Variants in EYS observed in about 807,000 individuals in gnomAD.
The protein encoded by EYS is EGF-like photoreceptor maintenance factor.
Under a neutral mutation model 282.1 loss-of-function variants are expected in EYS, and 250 were observed. That is an observed-to-expected ratio of 0.89 (90% CI 0.80 to 0.98). The LOEUF (loss-of-function observed/expected upper bound fraction) is 0.98, where lower values mean the gene tolerates loss of function less well. EYS is among the 50% of genes least tolerant of loss of function. The pLI is 0.00. For synonymous variants in EYS, 1,355 were observed against 1,282.9 expected, an observed-to-expected ratio of 1.06 and a Z score of -1.20; for missense variants, 4,016 against 3,709.0, an observed-to-expected ratio of 1.08 and a Z score of -2.15.
chr6:65,173,173 G>A (rs1387470141), intron 12 of EYS, among the ~76,000 whole-genome samples: 1 of 151,262 alleles, frequency 6.6e-6, no homozygotes, highest in Admixed American at 6.6e-5. Flanking sequence ...TTAAATTACG[G>A]TGGTGCTGTG....
chr6:64,747,328 T>C (rs939497157), intron 22 of EYS, among the ~76,000 whole-genome samples: 1 of 152,190 alleles, frequency 6.6e-6, no homozygotes, highest in Admixed American at 6.5e-5. Flanking sequence ...GTAACCCTTA[T>C]GTTGGCGTCA....
chr6:63,799,999 G>T (rs554103788), intron 37 of EYS, among the ~76,000 whole-genome samples: 1 of 152,174 alleles, frequency 6.6e-6, no homozygotes, highest in Admixed American at 6.5e-5. Context: ...GAGCCTGGGC[G>T]GGGGAGAATG....
intron 26 of EYS, among the ~76,000 whole-genome samples, chr6:64,538,960 G>A (rs1435262570): frequency 6.6e-6 from 1 of 152,132 alleles, no homozygotes; most frequent in Admixed American, 6.5e-5. Flanking sequence ...GAGCCCAGAT[G>A]TGCTCTAAAT....
chr6:64,344,228 A>G (rs1483897535), intron 29 of EYS, among the ~76,000 whole-genome samples: 2 of 152,136 alleles, frequency 1.3e-5, no homozygotes, highest in Admixed American at 6.6e-5. Flanking sequence ...TCATCCTGAT[A>G]CCAAAGCCTG....
intron 2 of EYS, among the ~76,000 whole-genome samples, chr6:65,595,207 A>T (rs920149859): frequency 2.0e-5 from 3 of 152,130 alleles, no homozygotes; most frequent in African/African-American, 4.8e-5. Flanking sequence ...TTCTCAGCAA[A>T]CTATCGCAAG....
At chr6:65,330,761 C>T in intron 11 of EYS, 2 of 960,770 alleles carry the variant, frequency 2.1e-6, no homozygotes, top group Non-Finnish European at 2.5e-6. Flanking sequence ...CCCGAAATCA[C>T]AAAGATATTT....
intron 12 of EYS, among the ~76,000 whole-genome samples, chr6:65,269,389 G>A (rs1767839557): frequency 6.6e-6 from 1 of 152,120 alleles, no homozygotes; most frequent in African/African-American, 2.4e-5. Flanking sequence ...TGTATAAGGG[G>A]GATGTCATCT....
chr6:64,864,587 T>C (rs77336796), intron 19 of EYS, among the ~76,000 whole-genome samples: 1 of 133,690 alleles, frequency 7.5e-6, no homozygotes, highest in Non-Finnish European at 1.6e-5. Flanking sequence ...GGATTCACCA[T>C]GTTGGCTACG....
At chr6:64,388,883 T>C in intron 28 of EYS, 43 bp from the exon 29 acceptor site, 1 of 1,232,038 alleles carries the variant, frequency 8.1e-7, no homozygotes, top group Non-Finnish European at 1.1e-6. Context: ...ATAAGTCATA[T>C]AAACATTTAT....
chr6:65,614,825 A>G (rs1175247320), intron 2 of EYS, among the ~76,000 whole-genome samples: 2 of 152,006 alleles, frequency 1.3e-5, no homozygotes, highest in Non-Finnish European at 2.9e-5. Context: ...TAAAATCTGT[A>G]AATATTCAAA....
chr6:64,671,535 A>T (rs936256246), intron 22 of EYS, among the ~76,000 whole-genome samples: 4 of 152,100 alleles, frequency 2.6e-5, no homozygotes, highest in African/African-American at 9.7e-5. Flanking sequence ...AGAGCTAAGA[A>T]CCATCTTTTT....
chr6:64,869,480 A>G (rs1401027409), intron 19 of EYS, among the ~76,000 whole-genome samples: 1 of 151,594 alleles, frequency 6.6e-6, no homozygotes, highest in African/African-American at 2.4e-5. Flanking sequence ...AAAATTTAAA[A>G]AAAAGATGAC....
intron 12 of EYS, among the ~76,000 whole-genome samples, chr6:65,114,229 A>G (rs1441994774): frequency 1.3e-5 from 2 of 152,022 alleles, no homozygotes; most frequent in African/African-American, 4.8e-5. Flanking sequence ...TAAATACATG[A>G]ATAAAAATAC....
intron 33 of EYS, among the ~76,000 whole-genome samples, chr6:64,058,347 A>G (rs1157142412): frequency 6.6e-6 from 1 of 152,144 alleles, no homozygotes; most frequent in Non-Finnish European, 1.5e-5. Flanking sequence ...ATTGAGAAAA[A>G]TGTTTCCAAG....
intron 14 of EYS, among the ~76,000 whole-genome samples, chr6:64,994,749 C>T (rs182701347): frequency 3.7e-4 from 56 of 152,070 alleles, no homozygotes; most frequent in Non-Finnish European, 2.1e-4. Context: ...AATTTTGGCT[C>T]TTTTTATATG....
intron 35 of EYS, among the ~76,000 whole-genome samples, chr6:63,868,273 C>T (rs769234897): frequency 7.9e-5 from 12 of 152,090 alleles, no homozygotes; most frequent in South Asian, 4.1e-4. Context: ...GTCTACAATA[C>T]GGTAAGAATA....
chr6:64,974,031 A>G (rs1444893416), intron 14 of EYS, among the ~76,000 whole-genome samples: 1 of 151,946 alleles, frequency 6.6e-6, no homozygotes, highest in East Asian at 1.9e-4. Flanking sequence ...AGCATGAAAA[A>G]GCATTTCACA....
At chr6:64,331,914 G>C (rs900696928) in intron 29 of EYS, among the ~76,000 whole-genome samples, 2 of 152,148 alleles carry the variant, frequency 1.3e-5, no homozygotes, top group Non-Finnish European at 2.9e-5. Context: ...TTCCCACCAG[G>C]ACAGAGAAAG....
chr6:65,596,409 G>C (rs1238115242), intron 2 of EYS, among the ~76,000 whole-genome samples: 1 of 152,074 alleles, frequency 6.6e-6, no homozygotes, highest in Non-Finnish European at 1.5e-5. Context: ...CAAACAGATA[G>C]ATATGTATGC....
Sources: allele counts gnomAD v4.1 joint callset (sites outside exome capture counted in the v4.1 genomes callset), GRCh38; gene constraint gnomAD v4.1.1; transcripts MANE v1.5; gene names NCBI Gene and HGNC (gene_info 2026-07-23, HGNC 2026-07-21).